CSNK1G1: variants seen among roughly 807,000 people sequenced by gnomAD.
CSNK1G1 encodes the protein casein kinase 1 gamma 1, also known as casein kinase I isoform gamma-1.
CSNK1G1 carries 22 observed loss-of-function variants against 59.6 expected under a neutral mutation model. The ratio of observed to expected loss-of-function variants is 0.37; its 90% CI spans 0.26 to 0.53. CSNK1G1 has a LOEUF of 0.53. Ranked by LOEUF, CSNK1G1 falls within the 20% of genes least tolerant of loss-of-function variation. The pLI is 0.89. For missense variants in CSNK1G1, 384 were observed against 519.5 expected (o/e 0.74, Z 2.54); for synonymous variants, 179 against 177.1 (o/e 1.01, Z -0.08).
chr15:64,206,201 G>T (rs1023203675), intron 7 of CSNK1G1, among the ~76,000 whole-genome samples: 1 of 152,116 alleles, frequency 6.6e-6, no homozygotes, highest in Non-Finnish European at 1.5e-5. Flanking sequence ...CAGCACTTTG[G>T]GAGGCCGAGG....
chr15:64,301,742 CTGGACG>C (rs1895350022), intron 1 of CSNK1G1, among the ~76,000 whole-genome samples: 1 of 152,100 alleles, frequency 6.6e-6, no homozygotes, highest in Non-Finnish European at 1.5e-5. Context: ...TAAAAATTAG[CTGGACG>C]TGGTGGCAGG....
intron 1 of CSNK1G1, among the ~76,000 whole-genome samples, chr15:64,303,077 A>G (rs565533775): frequency 2.0e-5 from 3 of 152,088 alleles, no homozygotes; most frequent in South Asian, 2.1e-4. Flanking sequence ...TTAAAAACCC[A>G]TAGAAGCCAG....
chr15:64,335,554 C>T (rs1897346435), intron 1 of CSNK1G1, among the ~76,000 whole-genome samples: 1 of 152,198 alleles, frequency 6.6e-6, no homozygotes, highest in South Asian at 2.1e-4. Context: ...ACTGCCTCAT[C>T]ACTATCTACC....
At chr15:64,312,806 G>C (rs1209697601) in intron 1 of CSNK1G1, among the ~76,000 whole-genome samples, 1 of 152,192 alleles carries the variant, frequency 6.6e-6, no homozygotes, top group African/African-American at 2.4e-5. Context: ...ACTATCATCA[G>C]AGTGAACAGG....
rs895726291 is a variant in CSNK1G1, at chr15:64,200,769, A to G, written c.1107+2313T>C. Among the ~76,000 whole-genome samples the G allele has an allele frequency of 1.3e-5, 2 of 152,228 alleles. No individual in the cohort carries two copies. The highest frequency in any genetic ancestry group is 2.9e-5 in the Non-Finnish European group (2 of 68,038). On this transcript the variant is annotated intron_variant, in intron 10 of 11. Transcript: ENST00000303052. The surrounding 1 kb of genome is among the most constrained non-coding windows in gnomAD (Gnocchi z 4.3). Reference sequence around the variant, plus strand: ...TTCTGCTTATTTCCCCATCCCGTCCAGCTCACTTTACTATAACCCAGTTTA... The same window carrying G: ...TTCTGCTTATTTCCCCATCCCGTCCGGCTCACTTTACTATAACCCAGTTTA...
intron 6 of CSNK1G1, among the ~76,000 whole-genome samples, chr15:64,213,182 A>G (rs374339503): frequency 6.6e-6 from 1 of 151,986 alleles, no homozygotes; most frequent in Non-Finnish European, 1.5e-5. Flanking sequence ...CTTTTCTTCA[A>G]ATAGAATCTT....
intron 2 of CSNK1G1, among the ~76,000 whole-genome samples, chr15:64,273,433 T>C (rs1419996832): frequency 2.0e-5 from 3 of 152,222 alleles, no homozygotes; most frequent in African/African-American, 4.8e-5. Flanking sequence ...ATGAAGATGA[T>C]AGAATATGTG....
chr15:64,329,920 T>C (rs1897032199), intron 1 of CSNK1G1, among the ~76,000 whole-genome samples: 1 of 146,476 alleles, frequency 6.8e-6, no homozygotes, highest in South Asian at 2.2e-4. Flanking sequence ...AACTAGAAAA[T>C]CTAGAAGAAA....
intron 1 of CSNK1G1, among the ~76,000 whole-genome samples, chr15:64,343,674 G>A (rs572207280): frequency 6.6e-6 from 1 of 151,830 alleles, no homozygotes; most frequent in African/African-American, 2.4e-5. Flanking sequence ...ACATATCTGT[G>A]TTATTCTCTA....
At chr15:64,320,221 G>A (rs1347660541) in intron 1 of CSNK1G1, among the ~76,000 whole-genome samples, 1 of 151,538 alleles carries the variant, frequency 6.6e-6, no homozygotes, top group Non-Finnish European at 1.5e-5. Context: ...TAATTCCACC[G>A]AAACAGGCAC....
intron 2 of CSNK1G1, among the ~76,000 whole-genome samples, chr15:64,274,403 G>A (rs1228107216): frequency 1.3e-5 from 2 of 151,996 alleles, no homozygotes; most frequent in East Asian, 3.8e-4. Context: ...ATAAATAACT[G>A]CTTCAGCTAA....
At chr15:64,306,412 G>C (rs1025788483) in intron 1 of CSNK1G1, among the ~76,000 whole-genome samples, 22 of 152,070 alleles carry the variant, frequency 1.4e-4, no homozygotes, top group African/African-American at 5.3e-4. Flanking sequence ...ATGTCAGAAG[G>C]GAATTGCAAA....
At chr15:64,355,824 C>T (rs1898634723) in intron 1 of CSNK1G1, among the ~76,000 whole-genome samples, 164 bp downstream of exon 1, 1 of 152,184 alleles carries the variant, frequency 6.6e-6, no homozygotes, top group Admixed American at 6.5e-5. Flanking sequence ...CCCTCCATTC[C>T]GCCCCCGCAA....
intron 6 of CSNK1G1, among the ~76,000 whole-genome samples, chr15:64,209,228 G>A (rs2082221039): frequency 6.6e-6 from 1 of 152,136 alleles, no homozygotes; most frequent in Non-Finnish European, 1.5e-5. Flanking sequence ...TCAGAATCAA[G>A]TTTAGGGCTT....
chr15:64,204,935 T>C lies in CSNK1G1; in HGVS notation c.780A>G (p.Lys260=), dbSNP rs780270639. The C allele has an allele frequency of 1.3e-5, 21 of 1,600,990 alleles. No individual in the cohort carries two copies. The South Asian group carries it at 2.2e-4, about 17-fold the overall frequency. ...TGTCACCAATTTTTTGATATCTCTC[T>C]TTTAATGTGTCAGCCTGTAGAGAGT... ...PWQGLKADTL[K]ERYQKIGDTK... is the part of the protein sequence containing the mutation. Residue 260 remains lysine, a synonymous_variant, in exon 8 of 12, where the codon AAA becomes AAG. Coordinates refer to ENST00000303052, the MANE Select transcript of CSNK1G1 (RefSeq NM_022048.5).
chr15:64,350,475 T>G (rs1898227771), intron 1 of CSNK1G1, among the ~76,000 whole-genome samples: 1 of 151,998 alleles, frequency 6.6e-6, no homozygotes, highest in African/African-American at 2.4e-5. Context: ...CACTCCAGCC[T>G]GAGCAACAGA....
At position 64,231,454 on chromosome 15, in the gene CSNK1G1, CACATAT is replaced by C. The variant is rs1038423599; in HGVS notation, c.293-14747_293-14742del. On this transcript the variant is annotated intron_variant, in intron 4 of 11. Coordinates refer to ENST00000303052, the MANE Select transcript of CSNK1G1 (RefSeq NM_022048.5). The stretch of plus-strand genomic sequence containing the variant: ...TAGGATATATATATATATACACACA[CACATAT>C]ACATATATATATTAGGTGCTGTGCC... 7.6e-3 allele frequency among the ~76,000 whole-genome samples: 1,130 copies of C among 148,972 alleles called. 12 individuals carry two copies. The highest frequency in any genetic ancestry group is 0.027 in the African/African-American group (1,089 of 40,778).
intron 11 of CSNK1G1, among the ~76,000 whole-genome samples, chr15:64,174,946 A>G (rs141263793): frequency 9.2e-5 from 14 of 151,874 alleles, no homozygotes; most frequent in African/African-American, 2.9e-4. Flanking sequence ...TTTCATGTGT[A>G]TGTCTGATCT....
intron 2 of CSNK1G1, among the ~76,000 whole-genome samples, chr15:64,280,779 C>T (rs1422601801): frequency 1.3e-5 from 2 of 152,104 alleles, no homozygotes; most frequent in African/African-American, 2.4e-5. Context: ...TTACAATAGC[C>T]CAAAGATAGA....
Sources: gnomAD v4.1 joint callset for allele counts (sites outside exome capture counted in the v4.1 genomes callset) on GRCh38, gnomAD v4.1.1 for gene constraint, Gnocchi (gnomAD v3.1) non-coding constraint, MANE v1.5 for transcripts, NCBI Gene and HGNC (gene_info 2026-07-23, HGNC 2026-07-21) for gene names.